NCAM1: variants seen among roughly 807,000 people sequenced by gnomAD.
NCAM1 encodes the protein antigen recognized by monoclonal antibody 5.1H11.
Under a neutral mutation model 109.8 loss-of-function variants are expected in NCAM1, and 14 were observed. The observed-to-expected ratio is 0.13, with a 90% CI of 0.08 to 0.20. The LOEUF is 0.20. Among genes scored for constraint, NCAM1 ranks in the 10% least tolerant of loss-of-function variants. The pLI is 1.00. For missense variants in NCAM1, 774 were observed against 1,109.9 expected, an observed-to-expected ratio of 0.70 and a Z score of 4.30; for synonymous variants, 418 against 442.9, an observed-to-expected ratio of 0.94 and a Z score of 0.70.
In NCAM1 at chr11:113,083,620, G is replaced by A. The variant is rs147316084; in HGVS notation, c.53-118759G>A. On this transcript the variant is annotated intron_variant, in intron 1 of 19. Coordinates refer to ENST00000316851, the MANE Select transcript of NCAM1 (RefSeq NM_181351.5). ...TGTCATTGGAATTGCTTTTCAGTAT[G>A]TTTGGCATGATTTTGCCTAGTCCTG... Among the ~76,000 whole-genome samples the A allele has an allele frequency of 7.9e-5, 12 of 152,282 alleles. No homozygotes were observed. The East Asian group carries it at 2.3e-3, about 29-fold the overall frequency.
intron 4 of NCAM1, 42 bp from the exon 5 acceptor site, chr11:113,206,001 T>C (rs567763856): frequency 6.2e-7 from 1 of 1,612,536 alleles, no homozygotes; most frequent in Non-Finnish European, 8.5e-7. Context: ...GCAGATGCTC[T>C]CTGACTGATT....
At chr11:112,996,501 T>C (rs1191211060) in intron 1 of NCAM1, among the ~76,000 whole-genome samples, 1 of 152,218 alleles carries the variant, frequency 6.6e-6, no homozygotes, top group African/African-American at 2.4e-5. Context: ...TTGTTTCTAA[T>C]TGTTTATTAT....
intron 1 of NCAM1, among the ~76,000 whole-genome samples, chr11:113,155,499 G>C (rs1179420723): frequency 6.6e-6 from 1 of 150,954 alleles, no homozygotes; most frequent in Non-Finnish European, 1.5e-5. Context: ...ACAGAGTGAG[G>C]CTCCATCTTA....
At chr11:113,094,905 A>T (rs2135798598) in intron 1 of NCAM1, among the ~76,000 whole-genome samples, 1 of 152,366 alleles carries the variant, frequency 6.6e-6, no homozygotes, top group African/African-American at 2.4e-5. Context: ...AATCATATTT[A>T]TTTCATATGC....
chr11:113,097,986 T>G (rs1939687761), intron 1 of NCAM1, among the ~76,000 whole-genome samples: 1 of 152,204 alleles, frequency 6.6e-6, no homozygotes. Flanking sequence ...ATTTTAAACA[T>G]AATTTATAAA....
chr11:113,081,440 C>G lies in NCAM1; in HGVS notation c.52+119776C>G, dbSNP rs573958759. On this transcript the variant is annotated intron_variant, in intron 1 of 19. Transcript: ENST00000316851. ...GCTGAATCCTCTACAACATGCTGGGCAGAAAGGCACTCGCCAAAGGATGCT... is the reference window on the plus strand; with the variant it reads ...GCTGAATCCTCTACAACATGCTGGGGAGAAAGGCACTCGCCAAAGGATGCT... 3.3e-5 allele frequency among the ~76,000 whole-genome samples: 5 copies of G among 152,334 alleles called. No homozygotes were observed. The East Asian group carries it at 9.6e-4, about 29-fold the overall frequency.
rs1314995332 is a variant in NCAM1 at position 113,079,918 on chromosome 11, G to A, written c.52+118254G>A. ...GCTTACTTTTTCTTCAAAACGAATG[G>A]TCTTCGTTCTTTGGAAGGCTTTGTG... On this transcript the variant is annotated intron_variant, in intron 1 of 19. Transcript: ENST00000316851. Among the ~76,000 whole-genome samples the A allele has an allele frequency of 7.8e-4, 119 of 152,154 alleles. 1 individual carries two copies. Among genetic ancestry groups the A allele is most frequent in the Non-Finnish European group, 4.4e-5 (3 of 68,024 alleles).
chr11:113,035,537 A>T (rs1225824264), intron 1 of NCAM1, among the ~76,000 whole-genome samples: 1 of 152,092 alleles, frequency 6.6e-6, no homozygotes, highest in African/African-American at 2.4e-5. Context: ...GGGGAAATGT[A>T]TTGTTCTTTT....
At chr11:113,263,297 G>A in intron 17 of NCAM1, 6 of 1,017,284 alleles carry the variant, frequency 5.9e-6, no homozygotes, top group Non-Finnish European at 7.1e-6. Flanking sequence ...AGAATTCTAA[G>A]TACCTTCTAA....
chr11:112,993,631 T>G (rs1298158566), intron 1 of NCAM1, among the ~76,000 whole-genome samples: 1 of 152,202 alleles, frequency 6.6e-6, no homozygotes, highest in African/African-American at 2.4e-5. Context: ...TTTTTAAAAT[T>G]TTTATATTAT....
chr11:112,969,776 G>A (rs1470738668), intron 1 of NCAM1, among the ~76,000 whole-genome samples: 1 of 152,156 alleles, frequency 6.6e-6, no homozygotes, highest in African/African-American at 2.4e-5. Flanking sequence ...CTGTGCTAGA[G>A]GCTTAGAGGA....
intron 1 of NCAM1, among the ~76,000 whole-genome samples, chr11:113,038,186 AAC>A (rs1952953439): frequency 6.6e-6 from 1 of 152,162 alleles, no homozygotes. Context: ...ACCCAGTTCT[AAC>A]ATGTTGTTCG....
intron 1 of NCAM1, among the ~76,000 whole-genome samples, chr11:113,066,068 A>G (rs1937939611): frequency 6.6e-6 from 1 of 152,226 alleles, no homozygotes; most frequent in Non-Finnish European, 1.5e-5. Flanking sequence ...ATTCATTTTC[A>G]TAATTCATCT....
In NCAM1 at chr11:113,213,655, T is replaced by A. The variant is rs145188789; in HGVS notation, c.917-714T>A. On this transcript the variant is annotated intron_variant, in intron 7 of 19. Transcript: ENST00000316851. Reference sequence around the variant, plus strand: ...CTGTTCAGTTGCCACTTATTGAACCTTCCTCCAGCATCTGTCTCAAAGCTT... The same window carrying A: ...CTGTTCAGTTGCCACTTATTGAACCATCCTCCAGCATCTGTCTCAAAGCTT... 2.0e-3 allele frequency among the ~76,000 whole-genome samples: 297 copies of A among 152,300 alleles called. 3 individuals are homozygous for A. The highest frequency in any genetic ancestry group is 7.0e-3 in the African/African-American group (289 of 41,554).
intron 1 of NCAM1, among the ~76,000 whole-genome samples, chr11:113,071,768 C>G (rs1208291806): frequency 1.3e-5 from 2 of 152,234 alleles, no homozygotes; most frequent in African/African-American, 4.8e-5. Flanking sequence ...CTTTCTATGA[C>G]TGGCCTAGAC....
intron 1 of NCAM1, among the ~76,000 whole-genome samples, chr11:113,188,863 A>G (rs917367688): frequency 5.3e-5 from 8 of 151,004 alleles, no homozygotes; most frequent in Non-Finnish European, 1.0e-4. Flanking sequence ...CCCTGTGTGT[A>G]TGTATGTGGT....
At chr11:113,134,729 C>G (rs1265014478) in intron 1 of NCAM1, among the ~76,000 whole-genome samples, 1 of 152,180 alleles carries the variant, frequency 6.6e-6, no homozygotes, top group African/African-American at 2.4e-5. Context: ...CCATCACCCT[C>G]ACACTGGAAT....
intron 17 of NCAM1, chr11:113,262,973 A>G (rs782089272): frequency 6.3e-7 from 1 of 1,589,984 alleles, no homozygotes. Flanking sequence ...AGTTCCTATG[A>G]AAAAGATCAG....
At chr11:113,094,082 G>C (rs1939485129) in intron 1 of NCAM1, among the ~76,000 whole-genome samples, 2 of 152,170 alleles carry the variant, frequency 1.3e-5, no homozygotes, top group South Asian at 4.1e-4. Context: ...AATACAGAGG[G>C]AAACATAGGG....
Sources: allele counts gnomAD v4.1 joint callset (sites outside exome capture counted in the v4.1 genomes callset), GRCh38; gene constraint gnomAD v4.1.1; transcripts MANE v1.5; gene names NCBI Gene and HGNC (gene_info 2026-07-23, HGNC 2026-07-21).